TSPAN18: variants seen among roughly 807,000 people sequenced by gnomAD.
TSPAN18 encodes tetraspanin-18.
Under a neutral mutation model 27.3 loss-of-function variants are expected in TSPAN18, and 14 were observed. The ratio of observed to expected loss-of-function variants is 0.51; its 90% CI spans 0.34 to 0.80. The LOEUF (loss-of-function observed/expected upper bound fraction) is 0.80, where lower values mean the gene tolerates loss of function less well. TSPAN18 is among the 30% of genes least tolerant of loss of function. The probability of loss-of-function intolerance (pLI) is 0.01; values close to 1 mark genes in which losing one functional copy is unlikely to be tolerated. For missense variants in TSPAN18, 268 were observed against 323.9 expected, an observed-to-expected ratio of 0.83 and a Z score of 1.32; for synonymous variants, 143 against 136.5, an observed-to-expected ratio of 1.05 and a Z score of -0.33.
intron 2 of TSPAN18, among the ~76,000 whole-genome samples, chr11:44,847,616 C>G (rs835795): frequency 6.6e-6 from 1 of 151,994 alleles, no homozygotes; most frequent in Non-Finnish European, 1.5e-5. Context: ...ATTTGTTTGA[C>G]TCCCTGACTT....
chr11:44,858,174 T>G (rs557399857), intron 2 of TSPAN18, among the ~76,000 whole-genome samples: 126 of 152,254 alleles, frequency 8.3e-4, no homozygotes, highest in African/African-American at 2.9e-3. Flanking sequence ...TCATTTCTAC[T>G]CAGCTCCCAC....
intron 3 of TSPAN18, among the ~76,000 whole-genome samples, chr11:44,877,192 C>A (rs1455626045): frequency 1.3e-5 from 2 of 152,266 alleles, no homozygotes; most frequent in East Asian, 1.9e-4. Flanking sequence ...AATGGCTTCA[C>A]TGTGGTTTCC....
chr11:44,864,779 T>C (rs1352712792), intron 3 of TSPAN18, among the ~76,000 whole-genome samples: 1 of 152,192 alleles, frequency 6.6e-6, no homozygotes, highest in Non-Finnish European at 1.5e-5. Flanking sequence ...CTTTGATGCT[T>C]CTTTGGATCC....
At chr11:44,846,967 G>A (rs1857498568) in intron 2 of TSPAN18, among the ~76,000 whole-genome samples, 1 of 152,188 alleles carries the variant, frequency 6.6e-6, no homozygotes, top group Non-Finnish European at 1.5e-5. Context: ...TTAACTCTCG[G>A]AAGGGCCCTG....
At chr11:44,747,180 G>C (rs900519335) in intron 1 of TSPAN18, among the ~76,000 whole-genome samples, 3 of 152,264 alleles carry the variant, frequency 2.0e-5, no homozygotes, top group Non-Finnish European at 4.4e-5. Context: ...TTGTGGGGCA[G>C]CTGGCACCTA....
chr11:44,733,425 C>G (rs755351601), intron 1 of TSPAN18, among the ~76,000 whole-genome samples: 4 of 152,204 alleles, frequency 2.6e-5, no homozygotes, highest in Non-Finnish European at 5.9e-5. Context: ...CCACGCATGG[C>G]AAGGGCACTA....
intron 8 of TSPAN18, among the ~76,000 whole-genome samples, chr11:44,921,176 T>C (rs8181559): frequency 0.15 from 22,503 of 152,050 alleles, 1,736 homozygotes; most frequent in African/African-American, 0.19. Flanking sequence ...AGAGGCTCAA[T>C]AGAGAAATGA....
At chr11:44,727,472 G>A (rs937635674) in intron 1 of TSPAN18, among the ~76,000 whole-genome samples, 185 bp downstream of exon 1, 33 of 152,204 alleles carry the variant, frequency 2.2e-4, no homozygotes, top group Non-Finnish European at 3.4e-4. Flanking sequence ...GGGGCTGGGG[G>A]GCCGGGGACG....
chr11:44,926,836 T>C, intron 9 of TSPAN18, 79 bp downstream of exon 9: 1 of 1,496,146 alleles, frequency 6.7e-7, no homozygotes, highest in African/African-American at 1.4e-5. Context: ...CCAGCCTCCT[T>C]TCCTCTTCAT....
intron 2 of TSPAN18, among the ~76,000 whole-genome samples, chr11:44,846,235 C>T (rs896323563): frequency 1.3e-5 from 2 of 152,354 alleles, no homozygotes; most frequent in South Asian, 2.1e-4. Context: ...TGGCAGAATC[C>T]GAACCAGACC....
chr11:44,907,990 G>T (rs992410320), intron 4 of TSPAN18, among the ~76,000 whole-genome samples: 1 of 151,432 alleles, frequency 6.6e-6, no homozygotes, highest in Non-Finnish European at 1.5e-5. Context: ...GCGAGGCAGA[G>T]GTTGTGGTGA....
intron 1 of TSPAN18, among the ~76,000 whole-genome samples, chr11:44,757,790 TA>T (rs1403333332): frequency 6.6e-6 from 1 of 152,260 alleles, no homozygotes; most frequent in East Asian, 1.9e-4. Context: ...AAATGTCTTT[TA>T]ATCTTTTCTG....
chr11:44,919,469 C>A, intron 7 of TSPAN18, 157 bp downstream of exon 7: 1 of 716,822 alleles, frequency 1.4e-6, no homozygotes, highest in South Asian at 1.6e-5. Flanking sequence ...GGCAGCCATG[C>A]CACTTGATCA....
intron 1 of TSPAN18, among the ~76,000 whole-genome samples, chr11:44,739,165 G>C (rs1187631064): frequency 6.6e-6 from 1 of 152,186 alleles, no homozygotes; most frequent in South Asian, 2.1e-4. Context: ...CTAGGGGATG[G>C]GGACCTTTAC....
Position 44,929,469 on chromosome 11 carries a change from A to G in TSPAN18, c.*291A>G. 2.3e-6 allele frequency: 1 copy of G among 433,666 alleles called. No individual in the cohort carries two copies. The highest frequency in any genetic ancestry group is 4.1e-6 in the Non-Finnish European group (1 of 243,372). 26.9% of individuals were successfully genotyped at this position (433,666 alleles called of 1,614,324 possible). A position where few individuals can be genotyped will look rare whatever the true frequency, so the allele number is the denominator to read the frequency against. ...CTGCTCTAGAGACCAAAGGAACACCAGGCCCAGCGCCCTCTTTGGTCCAGC... is the reference window on the plus strand; with the variant it reads ...CTGCTCTAGAGACCAAAGGAACACCGGGCCCAGCGCCCTCTTTGGTCCAGC... On this transcript the variant is annotated 3_prime_UTR_variant, in exon 10 of 10. Transcript: ENST00000520358.
intron 1 of TSPAN18, among the ~76,000 whole-genome samples, chr11:44,747,117 A>G (rs988011097): frequency 1.4e-4 from 21 of 152,222 alleles, no homozygotes; most frequent in South Asian, 2.1e-4. Context: ...CCCAGCAGCT[A>G]ATTCTGCTGG....
chr11:44,753,748 C>T (rs1421820985), intron 1 of TSPAN18, among the ~76,000 whole-genome samples: 4 of 152,164 alleles, frequency 2.6e-5, no homozygotes, highest in African/African-American at 9.7e-5. Context: ...GCCTGGCTTT[C>T]GTCAGTTACA....
intron 2 of TSPAN18, among the ~76,000 whole-genome samples, chr11:44,780,214 A>G (rs550579458): frequency 6.6e-6 from 1 of 152,266 alleles, no homozygotes; most frequent in Admixed American, 6.5e-5. Flanking sequence ...ACACACACAC[A>G]TGCACACACA....
intron 8 of TSPAN18, among the ~76,000 whole-genome samples, chr11:44,922,231 C>T (rs1860170715): frequency 6.6e-6 from 1 of 151,922 alleles, no homozygotes; most frequent in Admixed American, 6.6e-5. Context: ...TTTCTCCCAC[C>T]TCAACCTCTC....
Sources: gnomAD v4.1 joint callset for allele counts (sites outside exome capture counted in the v4.1 genomes callset) on GRCh38, gnomAD v4.1.1 for gene constraint, MANE v1.5 for transcripts, NCBI Gene and HGNC (gene_info 2026-07-23, HGNC 2026-07-21) for gene names.